Variants in RERE observed in about 807,000 individuals in gnomAD.
RERE encodes the protein arginine-glutamic acid dipeptide repeats protein.
RERE carries 40 observed loss-of-function variants against 146.1 expected under a neutral mutation model. The ratio of observed to expected loss-of-function variants is 0.27; its 90% CI spans 0.21 to 0.36. RERE has a LOEUF of 0.36. Among genes scored for constraint, RERE ranks in the 10% least tolerant of loss-of-function variants. RERE has a pLI of 1.00. For synonymous variants in RERE, 1,003 were observed against 866.0 expected, an observed-to-expected ratio of 1.16 and a Z score of -2.78; for missense variants, 1,933 against 2,138.7, an observed-to-expected ratio of 0.90 and a Z score of 1.90.
intron 12 of RERE, among the ~76,000 whole-genome samples, chr1:8,373,569 C>A (rs1397322363): frequency 6.8e-6 from 1 of 147,748 alleles, no homozygotes; most frequent in Admixed American, 6.7e-5. Flanking sequence ...TAAACCCGGG[C>A]CCAGAGAGTG....
chr1:8,742,867 C>CA (rs1330011632), intron 1 of RERE, among the ~76,000 whole-genome samples: 7,741 of 92,884 alleles, frequency 0.083, 782 homozygotes, highest in African/African-American at 0.28. Context: ...GATCCTGTCT[C>CA]AAAAAAAAAA....
chr1:8,619,716 C>A (rs1294458540), intron 3 of RERE, among the ~76,000 whole-genome samples: 1 of 152,226 alleles, frequency 6.6e-6, no homozygotes, highest in Non-Finnish European at 1.5e-5. Flanking sequence ...ATGATTACTT[C>A]CAGATGGCAA....
intron 1 of RERE, among the ~76,000 whole-genome samples, chr1:8,683,031 CAAAAAA>C (rs71580039): frequency 2.6e-4 from 17 of 65,726 alleles, no homozygotes; most frequent in East Asian, 1.5e-3. Flanking sequence ...CTGTCTTTAC[CAAAAAA>C]AAAAAAAAAA....
At chr1:8,704,324 A>T (rs974994472) in intron 1 of RERE, among the ~76,000 whole-genome samples, 12 of 152,226 alleles carry the variant, frequency 7.9e-5, no homozygotes, top group African/African-American at 1.7e-4. Context: ...GGAATTTTTT[A>T]AATGTATTCC....
chr1:8,626,657 A>G (rs1646976717), intron 2 of RERE, among the ~76,000 whole-genome samples: 1 of 152,130 alleles, frequency 6.6e-6, no homozygotes, highest in Non-Finnish European at 1.5e-5. Flanking sequence ...GTCAGCCCCA[A>G]AACATTCCAA....
At chr1:8,479,086 T>A (rs1644797662) in intron 10 of RERE, among the ~76,000 whole-genome samples, 1 of 152,080 alleles carries the variant, frequency 6.6e-6, no homozygotes, top group South Asian at 2.1e-4. Context: ...AACTCCACAC[T>A]TTAAATAAGT....
chr1:8,751,088 A>G (rs1221180929), intron 1 of RERE: 2 of 502,658 alleles, frequency 4.0e-6, no homozygotes, highest in East Asian at 3.7e-5. Context: ...CGGAATGAAG[A>G]AAACCTTGAC....
chr1:8,566,324 C>T (rs1187937937), intron 4 of RERE, among the ~76,000 whole-genome samples: 1 of 152,098 alleles, frequency 6.6e-6, no homozygotes, highest in Non-Finnish European at 1.5e-5. Flanking sequence ...AAAAATAAAA[C>T]AAAATAAAAT....
intron 4 of RERE, among the ~76,000 whole-genome samples, chr1:8,566,550 C>T (rs1570447368): frequency 6.6e-6 from 1 of 151,778 alleles, no homozygotes; most frequent in Admixed American, 6.6e-5. Flanking sequence ...ACCCAGGAGG[C>T]GGAAGTTGCA....
intron 7 of RERE, among the ~76,000 whole-genome samples, chr1:8,510,844 C>T (rs1262921605): frequency 6.6e-6 from 1 of 152,174 alleles, no homozygotes; most frequent in Non-Finnish European, 1.5e-5. Context: ...CTGGAGTTCT[C>T]CAGTGGTTGG....
intron 10 of RERE, among the ~76,000 whole-genome samples, chr1:8,493,969 T>C (rs150031014): frequency 9.8e-5 from 15 of 152,322 alleles, no homozygotes; most frequent in African/African-American, 2.4e-4. Flanking sequence ...CCATGGGATA[T>C]AGCCTAAGGC....
intron 6 of RERE, among the ~76,000 whole-genome samples, chr1:8,554,686 A>AAC (rs1645983316): frequency 6.6e-6 from 1 of 151,456 alleles, no homozygotes; most frequent in Admixed American, 6.6e-5. Context: ...CTCAAAAAAA[A>AAC]AAAAAAAAAA....
chr1:8,468,900 T>TA (rs528265802), intron 10 of RERE, among the ~76,000 whole-genome samples: 12,303 of 125,526 alleles, frequency 0.098, 674 homozygotes, highest in African/African-American at 0.19. Context: ...CTGCCTCCAA[T>TA]AAAAAAAAAA....
rs542400457 is a variant in RERE at position 8,390,484 on chromosome 1, T to C, written c.1285-24510A>G. On this transcript the variant is annotated intron_variant, in intron 12 of 22. Transcript: ENST00000400908. The stretch of plus-strand genomic sequence containing the variant: ...ATAGTCCGAACTGTATCAATAACTA[T>C]AGGTAATATTTTGAACCCATCTCTC... Among the ~76,000 whole-genome samples, 31 of 152,280 alleles carry C rather than the reference T, an allele frequency of 2.0e-4. No individual in the cohort carries two copies. The South Asian group carries it at 5.0e-3, about 24-fold the overall frequency.
At chr1:8,396,734 T>G (rs1407332835) in intron 12 of RERE, among the ~76,000 whole-genome samples, 2 of 152,202 alleles carry the variant, frequency 1.3e-5, no homozygotes, top group African/African-American at 4.8e-5. Context: ...TTAATACATC[T>G]ACAATGCGTG....
chr1:8,519,590 A>G (rs1237132961), intron 7 of RERE: 1 of 152,182 alleles, frequency 6.6e-6, no homozygotes, highest in African/African-American at 2.4e-5. Context: ...TGATTTATGG[A>G]AAGAACTAGA....
In RERE at chr1:8,423,720, G is replaced by GGGCCGCGCGGCGC; in HGVS notation, c.1204-926_1204-914dup. 8.2e-6 allele frequency: 8 copies of GGGCCGCGCGGCGC among 979,464 alleles called. No individual in the cohort carries two copies. Among genetic ancestry groups the GGGCCGCGCGGCGC allele is most frequent in the Non-Finnish European group, 9.7e-6 (8 of 827,122 alleles). The allele number at this position is 979,464 out of a possible 1,614,324, so 60.7% of individuals were successfully genotyped here. On this transcript the variant is annotated intron_variant, in intron 11 of 22. Transcript: ENST00000400908. The surrounding 1 kb of genome is among the most constrained non-coding windows in gnomAD (Gnocchi z 5.4). ...GGTGGCTCGGCGTGTGACCGCGGCG[G>GGGCCGCGCGGCGC]GGCCGCGCGGCGCGGGGCCCGGGGG...
In RERE at chr1:8,356,668, C is replaced by T. The variant is rs754009133; in HGVS notation, c.4340-422G>A. Among the ~76,000 whole-genome samples the T allele has an allele frequency of 2.0e-5, 3 of 152,198 alleles. No individual in the cohort carries two copies. Among genetic ancestry groups the T allele is most frequent in the Admixed American group, 1.3e-4 (2 of 15,288 alleles). ...CCCAGGGCTGTCTCCCTGCTCTTCACTCGCAGAACCTAAAGGAGGCCAGCA... is the reference window on the plus strand; with the variant it reads ...CCCAGGGCTGTCTCCCTGCTCTTCATTCGCAGAACCTAAAGGAGGCCAGCA... On this transcript the variant is annotated intron_variant, in intron 20 of 22. Coordinates refer to ENST00000400908, the MANE Select transcript of RERE (RefSeq NM_001042681.2). The surrounding 1 kb of genome is among the most constrained non-coding windows in gnomAD (Gnocchi z 5.2).
chr1:8,450,518 T>A (rs887074680), intron 11 of RERE, among the ~76,000 whole-genome samples: 1 of 152,080 alleles, frequency 6.6e-6, no homozygotes, highest in Non-Finnish European at 1.5e-5. Flanking sequence ...AAGCTCACCT[T>A]AGCAAATCCC....
Sources: allele counts gnomAD v4.1 joint callset (sites outside exome capture counted in the v4.1 genomes callset), GRCh38; gene constraint gnomAD v4.1.1; non-coding constraint Gnocchi (gnomAD v3.1); transcripts MANE v1.5; gene names NCBI Gene and HGNC (gene_info 2026-07-23, HGNC 2026-07-21).